Variants in R3HDM2 observed in about 807,000 individuals in gnomAD.
R3HDM2 encodes R3H domain containing 2.
A neutral mutation model predicts 124.5 loss-of-function variants in R3HDM2; 38 were observed. That is an observed-to-expected ratio of 0.31 (90% confidence interval 0.24 to 0.40). The LOEUF (loss-of-function observed/expected upper bound fraction) is 0.40, where lower values mean the gene tolerates loss of function less well. R3HDM2 is among the 10% of genes least tolerant of loss of function. R3HDM2 has a pLI of 1.00. For synonymous variants in R3HDM2, 391 were observed against 448.0 expected, an observed-to-expected ratio of 0.87 and a Z score of 1.61; for missense variants, 869 against 1,236.9, an observed-to-expected ratio of 0.70 and a Z score of 4.46.
intron 2 of R3HDM2, among the ~76,000 whole-genome samples, chr12:57,324,398 G>A (rs2056955438): frequency 6.6e-6 from 1 of 152,128 alleles, no homozygotes; most frequent in African/African-American, 2.4e-5. Flanking sequence ...GGGCAGGCTG[G>A]TCTCGAACTC....
chr12:57,288,819 A>T (rs568870796), intron 12 of R3HDM2, 190 bp downstream of exon 12: 176 of 1,490,040 alleles, frequency 1.2e-4, no homozygotes, highest in Admixed American at 8.5e-4. Context: ...AAATAAAATT[A>T]AAAATAAAAA....
chr12:57,384,522 T>C (rs1018131790), intron 2 of R3HDM2, among the ~76,000 whole-genome samples: 1 of 152,092 alleles, frequency 6.6e-6, no homozygotes, highest in Non-Finnish European at 1.5e-5. Context: ...ATATGTAAAG[T>C]ACATAGAAAA....
In R3HDM2 at chr12:57,329,715, G is replaced by A. The variant is rs979351813; in HGVS notation, c.-35-19252C>T. Among the ~76,000 whole-genome samples the A allele has an allele frequency of 2.0e-5, 3 of 151,806 alleles. No individual in the cohort carries two copies. In the East Asian group the frequency reaches 5.8e-4, roughly 29 times the overall value. On this transcript the variant is annotated intron_variant, in intron 2 of 23. Transcript: ENST00000402412. ...TCGCTTGAACCAGGAGGCAGAAGTT[G>A]TAGTGGGCCGACAGAAAAAGACTCC...
intron 2 of R3HDM2, among the ~76,000 whole-genome samples, chr12:57,332,289 C>T (rs897847369): frequency 6.6e-6 from 1 of 151,120 alleles, no homozygotes; most frequent in African/African-American, 2.4e-5. Flanking sequence ...GTGACACACA[C>T]CTGTAGTCCC....
At chr12:57,423,621 G>A (rs2070417075) in intron 1 of R3HDM2, among the ~76,000 whole-genome samples, 1 of 151,416 alleles carries the variant, frequency 6.6e-6, no homozygotes, top group African/African-American at 2.4e-5. Context: ...AGACCACCCT[G>A]GCCAACATGG....
chr12:57,387,600 C>T (rs1188688826), intron 2 of R3HDM2, among the ~76,000 whole-genome samples: 1 of 152,190 alleles, frequency 6.6e-6, no homozygotes, highest in African/African-American at 2.4e-5. Context: ...CTCACAAAGA[C>T]AAAAGCTCTC....
intron 1 of R3HDM2, among the ~76,000 whole-genome samples, chr12:57,410,318 TAAAAAA>T (rs56412130): frequency 2.0e-5 from 2 of 100,142 alleles, no homozygotes; most frequent in South Asian, 3.6e-4. Flanking sequence ...AGTATAACCT[TAAAAAA>T]AAAAAAAAAA....
intron 1 of R3HDM2, among the ~76,000 whole-genome samples, chr12:57,412,291 C>A (rs2053471839): frequency 1.5e-5 from 2 of 137,842 alleles, no homozygotes; most frequent in African/African-American, 5.1e-5. Flanking sequence ...CCTGTAATCC[C>A]AGCACTTTGG....
chr12:57,268,770 G>A (rs1365141653), intron 17 of R3HDM2, 152 bp downstream of exon 17: 5 of 960,908 alleles, frequency 5.2e-6, no homozygotes, highest in Non-Finnish European at 7.6e-6. Flanking sequence ...AAACTCCATG[G>A]GCTTTCCGTT....
chr12:57,378,458 C>G (rs1247704424), intron 2 of R3HDM2, among the ~76,000 whole-genome samples: 2 of 152,086 alleles, frequency 1.3e-5, no homozygotes, highest in African/African-American at 2.4e-5. Flanking sequence ...AGATTCACTG[C>G]AGCCTTAACC....
At chr12:57,367,425 G>C (rs2062803629) in intron 2 of R3HDM2, among the ~76,000 whole-genome samples, 1 of 152,186 alleles carries the variant, frequency 6.6e-6, no homozygotes, top group Admixed American at 6.5e-5. Context: ...ACACAGTGTA[G>C]GTTTAGGGGA....
chr12:57,274,140 A>G (rs1165524233), intron 14 of R3HDM2, among the ~76,000 whole-genome samples: 2 of 152,032 alleles, frequency 1.3e-5, no homozygotes, highest in Non-Finnish European at 2.9e-5. Flanking sequence ...AGGAGAGTCT[A>G]TCTTGGTTCA....
intron 11 of R3HDM2, among the ~76,000 whole-genome samples, chr12:57,292,032 A>G (rs1350901893): frequency 6.6e-6 from 1 of 152,272 alleles, no homozygotes; most frequent in Non-Finnish European, 1.5e-5. Flanking sequence ...CTTTTCAGGT[A>G]GAGACTGGAG....
chr12:57,377,980 CGGGAGGCTGAA>C (rs983017941), intron 2 of R3HDM2, among the ~76,000 whole-genome samples: 35 of 152,058 alleles, frequency 2.3e-4, no homozygotes, highest in African/African-American at 7.7e-4. Flanking sequence ...CCCAGCTACG[CGGGAGGCTGAA>C]GGGAGGCTGA....
rs893097793 is a variant in R3HDM2 at position 57,253,804 on chromosome 12, C to A, written c.*969G>T. ...TTTTTTTTATATTTAAAAACAAAACCAACCTCCCCCCAAATAACCCCCAAA... is the reference window on the plus strand; with the variant it reads ...TTTTTTTTATATTTAAAAACAAAACAAACCTCCCCCCAAATAACCCCCAAA... On this transcript the variant is annotated 3_prime_UTR_variant, in exon 24 of 24. Coordinates refer to ENST00000402412, the MANE Select transcript of R3HDM2 (RefSeq NM_001394031.1). 2.9e-5 allele frequency: 5 copies of A among 174,154 alleles called. No individual in the cohort carries two copies. The highest frequency in any genetic ancestry group is 1.2e-4 in the South Asian group (1 of 8,058). The allele number at this position is 174,154 out of a possible 1,614,324, so 10.8% of individuals were successfully genotyped here. A position where few individuals can be genotyped will look rare whatever the true frequency, so the allele number is the denominator to read the frequency against.
chr12:57,271,894 AT>A (rs377415685), intron 14 of R3HDM2, among the ~76,000 whole-genome samples: 5,466 of 143,368 alleles, frequency 0.038, 179 homozygotes, highest in East Asian at 0.2. Flanking sequence ...CTGCAACTGC[AT>A]TTTTTTTTTT....
intron 14 of R3HDM2, among the ~76,000 whole-genome samples, chr12:57,272,741 GACA>G (rs2043879134): frequency 6.6e-6 from 1 of 152,110 alleles, no homozygotes; most frequent in Admixed American, 6.5e-5. Context: ...CCAAGCCCGG[GACA>G]GCTTGAAGAT....
chr12:57,305,803 T>C (rs1010741241), intron 3 of R3HDM2: 2 of 394,062 alleles, frequency 5.1e-6, no homozygotes, highest in Non-Finnish European at 4.5e-6. Context: ...TTTACAGATA[T>C]TGAGTGCCTG....
chr12:57,387,635 G>C (rs898034693), intron 2 of R3HDM2, among the ~76,000 whole-genome samples: 2 of 152,196 alleles, frequency 1.3e-5, no homozygotes, highest in Non-Finnish European at 2.9e-5. Flanking sequence ...ATTTTTAAGA[G>C]TGTTAAGGGG....
Sources: allele counts gnomAD v4.1 joint callset (sites outside exome capture counted in the v4.1 genomes callset), GRCh38; gene constraint gnomAD v4.1.1; transcripts MANE v1.5; gene names NCBI Gene and HGNC (gene_info 2026-07-23, HGNC 2026-07-21).